IRF2BP2: variants seen among roughly 807,000 people sequenced by gnomAD.
IRF2BP2 encodes interferon regulatory factor 2 binding protein 2, also known as interferon regulatory factor 2-binding protein 2.
Under a neutral mutation model 32.7 loss-of-function variants are expected in IRF2BP2, and 13 were observed. That is an observed-to-expected ratio of 0.40 (90% CI 0.26 to 0.63). The LOEUF is 0.63. Among genes scored for constraint, IRF2BP2 ranks in the 30% least tolerant of loss-of-function variants. The probability of loss-of-function intolerance (pLI) is 0.42; values close to 1 mark genes in which losing one functional copy is unlikely to be tolerated. For synonymous variants in IRF2BP2, 555 were observed against 384.6 expected, an observed-to-expected ratio of 1.44 and a Z score of -5.18; for missense variants, 980 against 830.6, an observed-to-expected ratio of 1.18 and a Z score of -2.21.
Position 234,604,861 on chromosome 1 carries a change from T to C in IRF2BP2, c.*2276A>G. On this transcript the variant is annotated 3_prime_UTR_variant, in exon 2 of 2. Coordinates refer to ENST00000366609, the MANE Select transcript of IRF2BP2 (RefSeq NM_182972.3). ...TGCCAGAAAACCCAGATCAACACTT[T>C]CCAGCTACGAGCCGTCCACAAAGGC... 1 of 152,192 alleles carries C rather than the reference T, an allele frequency of 6.6e-6. No homozygotes were observed. Among genetic ancestry groups the C allele is most frequent in the East Asian group, 1.9e-4 (1 of 5,204 alleles). The allele number at this position is 152,192 out of a possible 1,614,324, so 9.4% of individuals were successfully genotyped here.
At position 234,609,303 on chromosome 1, in the gene IRF2BP2, G is replaced by A. The variant is rs1326039954; in HGVS notation, c.192C>T (p.Gly64=). The A allele has an allele frequency of 9.4e-6, 14 of 1,494,746 alleles. No homozygotes were observed. Among genetic ancestry groups the A allele is most frequent in the African/African-American group, 4.4e-5 (3 of 68,504 alleles). 92.6% of individuals were successfully genotyped at this position (1,494,746 alleles called of 1,614,324 possible). A position where few individuals can be genotyped will look rare whatever the true frequency, so the allele number is the denominator to read the frequency against. Reference sequence around the variant, plus strand: ...GTGGGGAGCGACCCTCCGGGAAGCAGCCGTGCGCCCGCTTGAGCTGCCGCG... The same window carrying A: ...GTGGGGAGCGACCCTCCGGGAAGCAACCGTGCGCCCGCTTGAGCTGCCGCG... ...ETARQLKRAH[G]CFPEGRSPPG... Residue 64 remains glycine (G), a synonymous_variant, in exon 1 of 2, where the codon GGC becomes GGT. Transcript: ENST00000366609.
In IRF2BP2 at chr1:234,609,241, G is replaced by A. The variant is rs989721749; in HGVS notation, c.254C>T (p.Pro85Leu). ...AAASAAAKPP[P>L]LSAKDILLQQ... ...CAAAAGGATGTCCTTGGCGGAGAGC[G>A]GCGGCGGCTTGGCGGCGGCCGAGGC... Residue 85 changes from proline to leucine, a missense_variant, in exon 1 of 2, where the codon CCG becomes CTG. Pro to Leu is a moderately conservative substitution (Grantham distance 98). Transcript: ENST00000366609. 1.5e-6 allele frequency: 2 copies of A among 1,358,036 alleles called. No homozygotes were observed. The highest frequency in any genetic ancestry group is 1.8e-5 in the South Asian group (1 of 55,614). 84.1% of individuals were successfully genotyped at this position (1,358,036 alleles called of 1,614,324 possible).
In IRF2BP2 at chr1:234,609,602, TCTCCCCCACCAGCGGCGGCGG is replaced by T. The variant is rs1672286821; in HGVS notation, c.-129_-109del. 1.3e-5 allele frequency: 7 copies of T among 522,958 alleles called. No homozygotes were observed. Among genetic ancestry groups the T allele is most frequent in the East Asian group, 1.2e-4 (3 of 24,596 alleles). The allele number at this position is 522,958 out of a possible 1,614,324, so 32.4% of individuals were successfully genotyped here. ...GCCCTCCTCCCCCCCCAACCCCGCGTCTCCCCCACCAGCGGCGGCGGCGGCCGCAAAGGCGGCGGCGGCGGC... is the reference window on the plus strand; with the variant it reads ...GCCCTCCTCCCCCCCCAACCCCGCGTCGGCCGCAAAGGCGGCGGCGGCGGC... On this transcript the variant is annotated 5_prime_UTR_variant, in exon 1 of 2. Coordinates refer to ENST00000366609, the MANE Select transcript of IRF2BP2 (RefSeq NM_182972.3).
chr1:234,605,448 CTG>C lies in IRF2BP2; in HGVS notation c.*1687_*1688del, dbSNP rs1347764908. The C allele has an allele frequency of 7.2e-5, 11 of 152,332 alleles. No homozygotes were observed. In the East Asian group the frequency reaches 9.6e-4, roughly 13 times the overall value. The allele number at this position is 152,332 out of a possible 1,614,324, so 9.4% of individuals were successfully genotyped here. A position where few individuals can be genotyped will look rare whatever the true frequency, so the allele number is the denominator to read the frequency against. On this transcript the variant is annotated 3_prime_UTR_variant, in exon 2 of 2. Transcript: ENST00000366609. Reference sequence around the variant, plus strand: ...TCATTAAAAACACTACGGAAAAACACTGTATTTGGTGCAGTATCTGATTTTCA... The same window carrying C: ...TCATTAAAAACACTACGGAAAAACACTATTTGGTGCAGTATCTGATTTTCA...
rs756016517 is a variant in IRF2BP2, at chr1:234,608,914, C to T, written c.581G>A (p.Gly194Asp). The change falls in exon 1 of 2, where the codon GGC (glycine) becomes GAC (aspartate). Residue 194 changes from glycine to aspartate, a missense_variant. Physicochemically the swap from Gly to Asp is moderately conservative, Grantham distance 94 (BLOSUM62 -1). Coordinates refer to ENST00000366609, the MANE Select transcript of IRF2BP2 (RefSeq NM_182972.3). ...CGCGGTGGGCAGCGGCGTGGCCGAG[C>T]CGTTCATGAGCGGCACCAGGGTGGG... ...VPPTLVPLMN[G>D]SATPLPTALG... 1.5e-6 allele frequency: 2 copies of T among 1,367,270 alleles called. No individual in the cohort carries two copies. Among genetic ancestry groups the T allele is most frequent in the African/African-American group, 1.5e-5 (1 of 66,352 alleles). The allele number at this position is 1,367,270 out of a possible 1,614,324, so 84.7% of individuals were successfully genotyped here.
rs1241654671 is a variant in IRF2BP2, at chr1:234,604,422, G to A, written c.*2715C>T. 6.6e-6 allele frequency: 1 copy of A among 152,114 alleles called. No homozygotes were observed. The highest frequency in any genetic ancestry group is 1.5e-5 in the Non-Finnish European group (1 of 68,030). The allele number at this position is 152,114 out of a possible 1,614,324, so 9.4% of individuals were successfully genotyped here. A position where few individuals can be genotyped will look rare whatever the true frequency, so the allele number is the denominator to read the frequency against. The stretch of plus-strand genomic sequence containing the variant: ...ATCTGAGATTACACTCACTTCAGTT[G>A]ACATGAGTTTCATCATATATAGAAA... On this transcript the variant is annotated 3_prime_UTR_variant, in exon 2 of 2. Transcript: ENST00000366609.
intron 1 of IRF2BP2, chr1:234,608,090 T>TA (rs1672216806): frequency 3.6e-6 from 2 of 558,232 alleles, no homozygotes; most frequent in African/African-American, 3.7e-5. Flanking sequence ...GACACGCTTG[T>TA]AACTGCCTGT....
At position 234,610,106 on chromosome 1, in the gene IRF2BP2, C is replaced by T. The variant is rs1241366081; in HGVS notation, c.-612G>A. Among the ~76,000 whole-genome samples, 1 of 148,038 alleles carries T rather than the reference C, an allele frequency of 6.8e-6. No homozygotes were observed. The highest frequency in any genetic ancestry group is 1.5e-5 in the Non-Finnish European group (1 of 66,370). On this transcript the variant is annotated 5_prime_UTR_variant, in exon 1 of 2. Transcript: ENST00000366609. ...CGCCGCTCTCCAGCGCCAGCGTCAG[C>T]GGCCAGCCCGCCTCAGCTCCGCCGC...
Position 234,607,776 on chromosome 1 carries a change from C to G in IRF2BP2, c.1125G>C (p.Glu375Asp). ...TGGATGTGGACAGCCACGGCTGGGC[C>G]TCTCCGTTGATCTTAGGGGGCCCGA... The part of the protein sequence containing the change: ...GEVGPPKING[E>D]AQPWLSTSTE... Residue 375 changes from glutamate (E) to aspartate (D), a missense_variant, in exon 2 of 2, where the codon GAG (glutamate) becomes GAC (aspartate). By Grantham distance (45) the Glu-to-Asp change is conservative. Coordinates refer to ENST00000366609, the MANE Select transcript of IRF2BP2 (RefSeq NM_182972.3). The G allele has an allele frequency of 6.2e-7, 1 of 1,613,680 alleles. No individual in the cohort carries two copies. The highest frequency in any genetic ancestry group is 2.2e-5 in the East Asian group (1 of 44,882).
chr1:234,608,383 AC>A, intron 1 of IRF2BP2, 63 bp downstream of exon 1: 2 of 1,285,120 alleles, frequency 1.6e-6, no homozygotes, highest in Non-Finnish European at 2.1e-6. Context: ...CCAAAGAACC[AC>A]CCTTCCTCTG....
Position 234,608,535 on chromosome 1 carries a change from G to C in IRF2BP2, c.960C>G (p.Pro320=), listed in dbSNP as rs3207737. ...GCTCCTTCTTAAACTTGCTCTCGAAGGGCCCCGAGTGGCCGTGCTGGTGCA... is the reference window on the plus strand; with the variant it reads ...GCTCCTTCTTAAACTTGCTCTCGAACGGCCCCGAGTGGCCGTGCTGGTGCA... ...LALHQHGHSG[P]FESKFKKEPA... Residue 320 remains proline, a synonymous_variant, in exon 1 of 2, where the codon CCC becomes CCG. Coordinates refer to ENST00000366609, the MANE Select transcript of IRF2BP2 (RefSeq NM_182972.3). 4 of 1,610,584 alleles carry C rather than the reference G, an allele frequency of 2.5e-6. No individual in the cohort carries two copies. The African/African-American group carries it at 4.0e-5, about 16-fold the overall frequency.
rs763707638 is a variant in IRF2BP2 at position 234,608,652 on chromosome 1, C to T, written c.843G>A (p.Glu281=). The T allele has an allele frequency of 6.5e-7, 1 of 1,540,702 alleles. No individual in the cohort carries two copies. Among genetic ancestry groups the T allele is most frequent in the Non-Finnish European group, 8.7e-7 (1 of 1,152,328 alleles). The change falls in exon 1 of 2, where the codon GAG becomes GAA. Residue 281 remains glutamate, a synonymous_variant. Coordinates refer to ENST00000366609, the MANE Select transcript of IRF2BP2 (RefSeq NM_182972.3). The part of the protein sequence containing the change: ...DSLSTAAGAA[E]LSAEGAGKSR... ...TCTTGCCCGCACCTTCCGCGCTCAG[C>T]TCGGCGGCCCCGGCCGCGGTGGACA...
rs1380868507 is a variant in IRF2BP2 at position 234,609,688 on chromosome 1, C to G, written c.-194G>C. 6.9e-5 allele frequency among the ~76,000 whole-genome samples: 10 copies of G among 144,318 alleles called. No homozygotes were observed. In the East Asian group the frequency reaches 2.1e-3, roughly 30 times the overall value. The allele number at this position is 144,318 out of a possible 152,430, so 94.7% of individuals were successfully genotyped here. On this transcript the variant is annotated 5_prime_UTR_variant, in exon 1 of 2. Transcript: ENST00000366609. Reference sequence around the variant, plus strand: ...AGGCTCGGCGCCCGCGCAGCGCCCCCGGTGCACGAGGGGCGGCGGGCGCGA... The same window carrying G: ...AGGCTCGGCGCCCGCGCAGCGCCCCGGGTGCACGAGGGGCGGCGGGCGCGA...
Position 234,607,821 on chromosome 1 carries a change from A to T in IRF2BP2, c.1080T>A (p.Ser360=). 2 of 1,595,616 alleles carry T rather than the reference A, an allele frequency of 1.3e-6. No individual in the cohort carries two copies. The highest frequency in any genetic ancestry group is 1.7e-6 in the Non-Finnish European group (2 of 1,169,548). Residue 360 remains serine, a synonymous_variant, in exon 2 of 2, where the codon TCT becomes TCA. Coordinates refer to ENST00000366609, the MANE Select transcript of IRF2BP2 (RefSeq NM_182972.3). ...GCCCGACTTCACCTTCTGGTTCTGG[A>T]GAGGGCTTCCTTTTCCTTGCTGTTC... ...VARTARKRKP[S]PEPEGEVGPP...
At position 234,609,613 on chromosome 1, in the gene IRF2BP2, A is replaced by G. The variant is rs1483142676; in HGVS notation, c.-119T>C. ...CCCCCAACCCCGCGTCTCCCCCACC[A>G]GCGGCGGCGGCGGCCGCAAAGGCGG... On this transcript the variant is annotated 5_prime_UTR_variant, in exon 1 of 2. Transcript: ENST00000366609. The G allele has an allele frequency of 1.1e-5, 5 of 449,288 alleles. No homozygotes were observed. The highest frequency in any genetic ancestry group is 6.9e-4 in the Middle Eastern group (1 of 1,456). The allele number at this position is 449,288 out of a possible 1,614,324, so 27.8% of individuals were successfully genotyped here.
rs1374738561 is a variant in IRF2BP2, at chr1:234,604,340, A to C, written c.*2797T>G. On this transcript the variant is annotated 3_prime_UTR_variant, in exon 2 of 2. Coordinates refer to ENST00000366609, the MANE Select transcript of IRF2BP2 (RefSeq NM_182972.3). ...AAAAAAGGTACTGTAAATCTGACAA[A>C]TGACAGAATTCAGGTGATATTTCCA... 6.6e-6 allele frequency: 1 copy of C among 152,250 alleles called. No individual in the cohort carries two copies. The highest frequency in any genetic ancestry group is 2.4e-5 in the African/African-American group (1 of 41,464). The allele number at this position is 152,250 out of a possible 1,614,324, so 9.4% of individuals were successfully genotyped here. A position where few individuals can be genotyped will look rare whatever the true frequency, so the allele number is the denominator to read the frequency against.
Position 234,607,052 on chromosome 1 carries a change from G to GGA in IRF2BP2, c.*83_*84dup. ...ATGAAGTCTACATTTCCCTTGTCTT[G>GGA]GATATATATATATATGGAGATATAT... On this transcript the variant is annotated 3_prime_UTR_variant, in exon 2 of 2. Transcript: ENST00000366609. 1 of 947,610 alleles carries GGA rather than the reference G, an allele frequency of 1.1e-6. No individual in the cohort carries two copies. The highest frequency in any genetic ancestry group is 1.6e-6 in the Non-Finnish European group (1 of 624,066). 58.7% of individuals were successfully genotyped at this position (947,610 alleles called of 1,614,324 possible).
intron 1 of IRF2BP2, 181 bp from the exon 2 acceptor site, chr1:234,608,033 C>G: frequency 1.7e-6 from 1 of 583,654 alleles, no homozygotes; most frequent in East Asian, 2.8e-5. Flanking sequence ...TTCAGGCGTA[C>G]GGGATTCTGA....
rs1443948918 is a variant in IRF2BP2 at position 234,609,743 on chromosome 1, C to G, written c.-249G>C. Reference sequence around the variant, plus strand: ...AGGGGCTGCAGCCGCGGCAGCAGTTCCCCCCGGCCGGCCCGGGCACGGGCG... The same window carrying G: ...AGGGGCTGCAGCCGCGGCAGCAGTTGCCCCCGGCCGGCCCGGGCACGGGCG... On this transcript the variant is annotated 5_prime_UTR_variant, in exon 1 of 2. Transcript: ENST00000366609. Among the ~76,000 whole-genome samples the G allele has an allele frequency of 6.9e-6, 1 of 144,614 alleles. No individual in the cohort carries two copies. Among genetic ancestry groups the G allele is most frequent in the East Asian group, 2.0e-4 (1 of 4,954 alleles). The allele number at this position is 144,614 out of a possible 152,430, so 94.9% of individuals were successfully genotyped here.
Sources: allele counts gnomAD v4.1 joint callset (sites outside exome capture counted in the v4.1 genomes callset), GRCh38; gene constraint gnomAD v4.1.1; transcripts MANE v1.5; gene names NCBI Gene and HGNC (gene_info 2026-07-23, HGNC 2026-07-21).